Variants in DHX15 observed in about 807,000 individuals in gnomAD.
DHX15 encodes the protein DEAH-box helicase 15.
In DHX15, 11 loss-of-function variants were observed where a neutral mutation model predicts 94.4. That is an observed-to-expected ratio of 0.12 (90% CI 0.07 to 0.19). The LOEUF is 0.19. DHX15 is among the 10% of genes least tolerant of loss of function. DHX15 has a pLI of 1.00. For synonymous variants in DHX15, 338 were observed against 329.9 expected (o/e 1.02, Z -0.27); for missense variants, 304 against 988.5 (o/e 0.31, Z 9.29).
At chr4:24,528,787 G>A (rs1721015824) in intron 13 of DHX15, among the ~76,000 whole-genome samples, 1 of 152,094 alleles carries the variant, frequency 6.6e-6, no homozygotes, top group Non-Finnish European at 1.5e-5. Flanking sequence ...GTAGAAGCTA[G>A]TATGTTAAAA....
rs1198109541 is a variant in DHX15, at chr4:24,537,041, T to C, written c.1909+10A>G. On this transcript the variant is annotated intron_variant, in intron 11 of 13. Coordinates refer to ENST00000336812, the MANE Select transcript of DHX15 (RefSeq NM_001358.3). This position sits in a 1 kb window ranked among gnomAD's most constrained non-coding sequence, Gnocchi z 4.7. ...TAGACAAGAGTGTCTCCAATCAAAT[T>C]TACACTTACTTTGTTTAAAAGCATG... 3.7e-6 allele frequency: 6 copies of C among 1,612,094 alleles called. 1 individual carries two copies. The South Asian group carries it at 6.6e-5, about 18-fold the overall frequency.
intron 12 of DHX15, among the ~76,000 whole-genome samples, chr4:24,531,244 G>A (rs1721078249): frequency 1.3e-5 from 2 of 151,800 alleles, no homozygotes; most frequent in South Asian, 2.1e-4. Flanking sequence ...ACCCGCCACC[G>A]CGCCCGGCTA....
At chr4:24,543,050 A>G (rs1721351270) in intron 6 of DHX15, 24 bp from the exon 7 acceptor site, 1 of 1,490,712 alleles carries the variant, frequency 6.7e-7, no homozygotes, top group East Asian at 2.3e-5. Context: ...GAGTATATAA[A>G]TTATATTACA....
chr4:24,553,230 A>G (rs1363080094), intron 5 of DHX15, among the ~76,000 whole-genome samples: 1 of 152,204 alleles, frequency 6.6e-6, no homozygotes, highest in African/African-American at 2.4e-5. Context: ...CTGAGGCAGG[A>G]GAATCACCTG....
chr4:24,564,090 T>C (rs1282220318), intron 3 of DHX15, among the ~76,000 whole-genome samples: 4 of 143,000 alleles, frequency 2.8e-5, no homozygotes, highest in African/African-American at 1.0e-4. Flanking sequence ...AAAAAAAGCA[T>C]GAGGCAAACA....
rs1722565760 is a variant in DHX15 at position 24,584,537 on chromosome 4, A to C, written c.-144T>G. The C allele has an allele frequency of 1.8e-5, 14 of 757,840 alleles. No individual in the cohort carries two copies. The highest frequency in any genetic ancestry group is 2.6e-5 in the Non-Finnish European group (13 of 504,740). 46.9% of individuals were successfully genotyped at this position (757,840 alleles called of 1,614,324 possible). A position where few individuals can be genotyped will look rare whatever the true frequency, so the allele number is the denominator to read the frequency against. The stretch of plus-strand genomic sequence containing the variant: ...CGGTGCGGCCGGAACCAACAGCTAA[A>C]ATGGCGGCGGCGACGAGGGCTGGGC... On this transcript the variant is annotated 5_prime_UTR_variant, in exon 1 of 14. It adds an upstream start codon to the 5' untranslated region. Coordinates refer to ENST00000336812, the MANE Select transcript of DHX15 (RefSeq NM_001358.3).
intron 3 of DHX15, among the ~76,000 whole-genome samples, chr4:24,559,170 C>T (rs1721808283): frequency 6.6e-6 from 1 of 151,780 alleles, no homozygotes; most frequent in Non-Finnish European, 1.5e-5. Context: ...AGGAAAGCCA[C>T]GTGAAGATGA....
At chr4:24,541,216 T>A (rs1400846106) in intron 8 of DHX15, among the ~76,000 whole-genome samples, 1 of 152,138 alleles carries the variant, frequency 6.6e-6, no homozygotes, top group African/African-American at 2.4e-5. Context: ...GAACTCGCAA[T>A]TTCCATGGTT....
At chr4:24,563,009 C>T (rs1234085875) in intron 3 of DHX15, among the ~76,000 whole-genome samples, 2 of 151,952 alleles carry the variant, frequency 1.3e-5, no homozygotes, top group Admixed American at 1.3e-4. Context: ...CAAATGAACC[C>T]ATACTCAACA....
At chr4:24,547,925 A>ATATC (rs1577338310) in intron 6 of DHX15, among the ~76,000 whole-genome samples, 3 of 50,954 alleles carry the variant, frequency 5.9e-5, no homozygotes, top group East Asian at 7.2e-4. Flanking sequence ...ATATATATAT[A>ATATC]TATATATATA....
At chr4:24,547,817 T>C (rs995181633) in intron 6 of DHX15, among the ~76,000 whole-genome samples, 11 of 149,828 alleles carry the variant, frequency 7.3e-5, no homozygotes, top group Non-Finnish European at 8.9e-5. Flanking sequence ...AAGCTTTGCC[T>C]GGAGGATGCA....
intron 1 of DHX15, among the ~76,000 whole-genome samples, chr4:24,583,796 G>A (rs937773013): frequency 2.0e-5 from 3 of 149,542 alleles, no homozygotes; most frequent in African/African-American, 7.4e-5. Flanking sequence ...CCCCATCCCA[G>A]CCTACATTAT....
At chr4:24,530,862 A>G (rs1480603022) in intron 12 of DHX15, 1 of 152,158 alleles carries the variant, frequency 6.6e-6, no homozygotes, top group East Asian at 1.9e-4. Flanking sequence ...CTAAACACCT[A>G]TTAGGTGTCA....
At chr4:24,575,731 A>G (rs1722243952) in intron 2 of DHX15, among the ~76,000 whole-genome samples, 1 of 152,208 alleles carries the variant, frequency 6.6e-6, no homozygotes, top group Admixed American at 6.5e-5. Context: ...TCTAGTTAAT[A>G]ATAGCCCATC....
intron 2 of DHX15, among the ~76,000 whole-genome samples, chr4:24,574,426 T>A (rs1236524193): frequency 1.3e-5 from 2 of 152,094 alleles, no homozygotes; most frequent in Non-Finnish European, 2.9e-5. Context: ...TATCCAAGTA[T>A]CTTAATTACC....
At chr4:24,533,387 T>C (rs919975847) in intron 11 of DHX15, 4 of 351,752 alleles carry the variant, frequency 1.1e-5, no homozygotes, top group Non-Finnish European at 2.2e-5. Context: ...TGGAAGTATT[T>C]GGTAAAAGTC....
At chr4:24,562,164 C>G (rs1721888600) in intron 3 of DHX15, among the ~76,000 whole-genome samples, 1 of 147,002 alleles carries the variant, frequency 6.8e-6, no homozygotes, top group African/African-American at 2.5e-5. Context: ...AATCTGTACA[C>G]CAAACTCCTA....
intron 6 of DHX15, among the ~76,000 whole-genome samples, chr4:24,547,951 A>ATC (rs1201018332): frequency 2.3e-4 from 18 of 77,558 alleles, no homozygotes; most frequent in African/African-American, 9.1e-4. Context: ...ATCTATATCT[A>ATC]TATCTATATC....
intron 1 of DHX15, 87 bp downstream of exon 1, chr4:24,584,236 C>T: frequency 7.4e-7 from 1 of 1,355,588 alleles, no homozygotes; most frequent in African/African-American, 1.5e-5. Context: ...GCTCCAGGAC[C>T]CGCTCGGCCA....
Sources: allele counts gnomAD v4.1 joint callset (sites outside exome capture counted in the v4.1 genomes callset), GRCh38; gene constraint gnomAD v4.1.1; non-coding constraint Gnocchi (gnomAD v3.1); transcripts MANE v1.5; gene names NCBI Gene and HGNC (gene_info 2026-07-23, HGNC 2026-07-21).